Variants in ADAM23 observed in about 807,000 individuals in gnomAD.
The protein encoded by ADAM23 is disintegrin and metalloproteinase domain-containing protein 23.
Under a neutral mutation model 120.1 loss-of-function variants are expected in ADAM23, and 33 were observed. The ratio of observed to expected loss-of-function variants is 0.27; its 90% CI spans 0.21 to 0.37. The LOEUF (loss-of-function observed/expected upper bound fraction) is 0.37. Among genes scored for constraint, ADAM23 ranks in the 10% least tolerant of loss-of-function variants. ADAM23 has a pLI of 1.00. For synonymous variants in ADAM23, 367 were observed against 375.2 expected, an observed-to-expected ratio of 0.98 and a Z score of 0.25; for missense variants, 862 against 1,058.2, an observed-to-expected ratio of 0.81 and a Z score of 2.57.
rs6745891 is a variant in ADAM23 at position 206,571,534 on chromosome 2, A to G, written c.1567-193A>G. On this transcript the variant is annotated intron_variant, in intron 16 of 25. Transcript: ENST00000264377. ...CTATTTGCTATTGAAGTCCTTTCAT[A>G]GAAGATCTTACTTTGGTGACAAGTA... Among the ~76,000 whole-genome samples, 668 of 152,320 alleles carry G rather than the reference A, an allele frequency of 4.4e-3. 8 individuals are homozygous for G. The highest frequency in any genetic ancestry group is 0.015 in the African/African-American group (628 of 41,574).
At chr2:206,589,362 A>G in intron 20 of ADAM23, 47 bp from the exon 21 acceptor site, 1 of 1,533,202 alleles carries the variant, frequency 6.5e-7, no homozygotes, top group Non-Finnish European at 8.9e-7. Context: ...GTTATGGATA[A>G]CAAAGAAAAT....
intron 24 of ADAM23, among the ~76,000 whole-genome samples, chr2:206,596,506 A>G (rs1366416249): frequency 6.6e-6 from 1 of 152,188 alleles, no homozygotes; most frequent in Non-Finnish European, 1.5e-5. Context: ...AATAGATCAA[A>G]TCTTTTTGGC....
At chr2:206,492,005 T>TA (rs1307851568) in intron 3 of ADAM23, among the ~76,000 whole-genome samples, 1 of 152,208 alleles carries the variant, frequency 6.6e-6, no homozygotes, top group Non-Finnish European at 1.5e-5. Flanking sequence ...TCACAAATGT[T>TA]TATTGAGTGC....
intron 9 of ADAM23, among the ~76,000 whole-genome samples, chr2:206,554,781 G>A (rs1185132167): frequency 6.6e-6 from 1 of 152,062 alleles, no homozygotes; most frequent in Admixed American, 6.6e-5. Context: ...TTTGTTTTAG[G>A]CGAAACACTT....
intron 3 of ADAM23, among the ~76,000 whole-genome samples, chr2:206,486,992 C>G (rs141595164): frequency 6.6e-6 from 1 of 152,274 alleles, no homozygotes; most frequent in East Asian, 1.9e-4. Context: ...TGACTGACCT[C>G]TTTTACTTAG....
In ADAM23 at chr2:206,594,632, A is replaced by C. The variant is rs943701195; in HGVS notation, c.2079-105A>C. 13 of 1,289,184 alleles carry C rather than the reference A, an allele frequency of 1.0e-5. No individual in the cohort carries two copies. The African/African-American group carries it at 1.9e-4, about 19-fold the overall frequency. 79.9% of individuals were successfully genotyped at this position (1,289,184 alleles called of 1,614,324 possible). A position where few individuals can be genotyped will look rare whatever the true frequency, so the allele number is the denominator to read the frequency against. The stretch of plus-strand genomic sequence containing the variant: ...AGTAAGAAAATGCTAGGAGAAATCC[A>C]CATCCACTGACAGCCTCTTCGGTTT... On this transcript the variant is annotated intron_variant, in intron 22 of 25. Coordinates refer to ENST00000264377, the MANE Select transcript of ADAM23 (RefSeq NM_003812.4).
intron 19 of ADAM23, among the ~76,000 whole-genome samples, 167 bp downstream of exon 19, chr2:206,587,542 A>G (rs1698347077): frequency 6.6e-6 from 1 of 151,898 alleles, no homozygotes; most frequent in African/African-American, 2.4e-5. Context: ...CAAATATTAA[A>G]TATATTTACC....
intron 2 of ADAM23, among the ~76,000 whole-genome samples, chr2:206,452,936 T>A (rs984293291): frequency 2.6e-5 from 4 of 152,212 alleles, no homozygotes; most frequent in Admixed American, 2.0e-4. Flanking sequence ...CTGGTCTCTC[T>A]CTCTGTCAAT....
At chr2:206,560,982 A>G in intron 11 of ADAM23, 146 bp from the exon 12 acceptor site, 1 of 622,232 alleles carries the variant, frequency 1.6e-6, no homozygotes, top group Non-Finnish European at 2.9e-6. Flanking sequence ...TATGTCATAA[A>G]TTTTAAGGTA....
At chr2:206,453,228 C>G (rs1469337971) in intron 2 of ADAM23, among the ~76,000 whole-genome samples, 2 of 152,130 alleles carry the variant, frequency 1.3e-5, no homozygotes, top group Admixed American at 6.6e-5. Context: ...CTGTCCAAAC[C>G]CTGGGGCTAG....
At chr2:206,508,081 G>C (rs897610008) in intron 3 of ADAM23, among the ~76,000 whole-genome samples, 4 of 152,082 alleles carry the variant, frequency 2.6e-5, no homozygotes, top group Non-Finnish European at 5.9e-5. Context: ...CCAGGCTGGA[G>C]TGCAGTGGCG....
At chr2:206,534,876 G>A (rs562057831) in intron 4 of ADAM23, among the ~76,000 whole-genome samples, 8 of 151,916 alleles carry the variant, frequency 5.3e-5, no homozygotes, top group African/African-American at 1.4e-4. Context: ...TTCCTATTCC[G>A]TTGCTCATTC....
intron 7 of ADAM23, among the ~76,000 whole-genome samples, chr2:206,547,834 T>C (rs566482686): frequency 1.4e-4 from 21 of 152,366 alleles, no homozygotes; most frequent in Non-Finnish European, 2.4e-4. Flanking sequence ...CTCCCTCTCA[T>C]GCTCTGCTCC....
intron 3 of ADAM23, among the ~76,000 whole-genome samples, chr2:206,500,812 A>G (rs981184893): frequency 3.3e-5 from 5 of 152,178 alleles, no homozygotes; most frequent in African/African-American, 9.7e-5. Flanking sequence ...CTCATCTGCC[A>G]CATCTGGTAG....
intron 3 of ADAM23, among the ~76,000 whole-genome samples, chr2:206,492,841 C>A (rs373089277): frequency 6.6e-6 from 1 of 152,238 alleles, no homozygotes; most frequent in South Asian, 2.1e-4. Context: ...ACATTCAAAC[C>A]ATAGCAGACG....
Position 206,620,264 on chromosome 2 carries a change from A to G in ADAM23, c.*2637A>G, listed in dbSNP as rs1177278687. The G allele has an allele frequency of 6.6e-6, 1 of 152,216 alleles. No homozygotes were observed. The highest frequency in any genetic ancestry group is 1.5e-5 in the Non-Finnish European group (1 of 68,044). The allele number at this position is 152,216 out of a possible 1,614,324, so 9.4% of individuals were successfully genotyped here. The stretch of plus-strand genomic sequence containing the variant: ...ACAGTGGTCCCCAAATATTATGTAC[A>G]TATGGCAAATGTCAGTGTAACTTTT... On this transcript the variant is annotated 3_prime_UTR_variant, in exon 26 of 26. Transcript: ENST00000264377.
intron 3 of ADAM23, among the ~76,000 whole-genome samples, chr2:206,526,399 G>A (rs1696949089): frequency 6.6e-6 from 1 of 152,128 alleles, no homozygotes; most frequent in Non-Finnish European, 1.5e-5. Context: ...TGAAATCTGA[G>A]ACTTCAGCAC....
chr2:206,466,993 T>C (rs983970981), intron 2 of ADAM23, among the ~76,000 whole-genome samples: 1 of 140,568 alleles, frequency 7.1e-6, no homozygotes, highest in Middle Eastern at 3.5e-3. Context: ...TCATGAGAAC[T>C]CACTGTTGTA....
At position 206,458,273 on chromosome 2, in the gene ADAM23, T is replaced by C. The variant is rs137949190; in HGVS notation, c.432+12749T>C. On this transcript the variant is annotated intron_variant, in intron 2 of 25. Transcript: ENST00000264377. ...GAGGTACATGGGAAATGTTACCAAT[T>C]AATGACTGACCAGAGGCTTAGGGAA... Among the ~76,000 whole-genome samples, 348 of 152,352 alleles carry C rather than the reference T, an allele frequency of 2.3e-3. 4 individuals are homozygous for C. The highest frequency in any genetic ancestry group is 7.9e-3 in the African/African-American group (329 of 41,598).
Sources: gnomAD v4.1 joint callset for allele counts (sites outside exome capture counted in the v4.1 genomes callset) on GRCh38, gnomAD v4.1.1 for gene constraint, MANE v1.5 for transcripts, NCBI Gene and HGNC (gene_info 2026-07-23, HGNC 2026-07-21) for gene names.